The following POLA1 variants were observed in gnomAD, a reference collection of about 807,000 sequenced individuals.
POLA1 encodes the protein DNA polymerase alpha catalytic subunit.
In POLA1, 15 loss-of-function variants were observed where a neutral mutation model predicts 124.0. That is an observed-to-expected ratio of 0.12 (90% CI 0.08 to 0.19). The LOEUF (loss-of-function observed/expected upper bound fraction) is 0.19, where lower values mean the gene tolerates loss of function less well. POLA1 is among the 10% of genes least tolerant of loss of function. POLA1 has a pLI of 1.00. For synonymous variants in POLA1, 408 were observed against 389.4 expected (o/e 1.05, Z -0.56); for missense variants, 886 against 1,103.4 (o/e 0.80, Z 2.79).
At chrX:24,908,557 A>G (rs1049880236) in intron 35 of POLA1, among the ~76,000 whole-genome samples, 1 of 110,002 alleles carries the variant, frequency 9.1e-6, no homozygotes, top group Non-Finnish European at 1.9e-5. Flanking sequence ...CCTACAAAGG[A>G]CATGAACTCT....
intron 6 of POLA1, among the ~76,000 whole-genome samples, chrX:24,715,658 AC>A (rs760640839): frequency 1.1e-3 from 119 of 110,473 alleles, no homozygotes; most frequent in Non-Finnish European, 1.9e-3. Flanking sequence ...AAACAAAGAA[AC>A]CCCCTTCAGA....
At chrX:24,837,877 G>A (rs1363994925) in intron 32 of POLA1, among the ~76,000 whole-genome samples, 1 of 111,877 alleles carries the variant, frequency 8.9e-6, no homozygotes, top group African/African-American at 3.3e-5. Context: ...ACATATGTAA[G>A]GGTTTTACTG....
chrX:24,905,234 T>C (rs1347508546), intron 35 of POLA1, among the ~76,000 whole-genome samples: 1 of 109,245 alleles, frequency 9.2e-6, no homozygotes, highest in Admixed American at 9.9e-5. Flanking sequence ...AGAAAGTGGA[T>C]TGGAGCTCAC....
intron 23 of POLA1, among the ~76,000 whole-genome samples, chrX:24,744,833 C>T (rs1931900172): frequency 9.3e-6 from 1 of 107,260 alleles, no homozygotes; most frequent in Non-Finnish European, 1.9e-5. Context: ...CGCCTGTAGT[C>T]CCAGCTATTC....
intron 26 of POLA1, among the ~76,000 whole-genome samples, chrX:24,792,297 C>G (rs2045516588): frequency 9.0e-6 from 1 of 111,628 alleles, no homozygotes; most frequent in Non-Finnish European, 1.9e-5. Context: ...CACATCTGTT[C>G]CCACTGTTGA....
In POLA1 at chrX:24,878,893, A is replaced by G. The variant is rs377308426; in HGVS notation, c.4048-9113A>G. On this transcript the variant is annotated intron_variant, in intron 34 of 36. Transcript: ENST00000379068. ...TGTGTTAGTGATTTAATTATATTGC[A>G]AGCTCTTGGCAAAACTGTCTCCTCG... Among the ~76,000 whole-genome samples the G allele has an allele frequency of 7.2e-5, 8 of 111,356 alleles. No homozygotes were observed. In the East Asian group the frequency reaches 2.2e-3, roughly 31 times the overall value.
At chrX:24,807,818 G>A (rs888614468) in intron 26 of POLA1, among the ~76,000 whole-genome samples, 2 of 111,647 alleles carry the variant, frequency 1.8e-5, no homozygotes, top group Admixed American at 9.5e-5. Flanking sequence ...GATTTGAGCC[G>A]AGGGTTGTAA....
chrX:24,820,030 C>T (rs2046061909), intron 30 of POLA1, among the ~76,000 whole-genome samples: 1 of 112,093 alleles, frequency 8.9e-6, no homozygotes, highest in African/African-American at 3.2e-5. Flanking sequence ...TGTATATGTG[C>T]CACATTTTCT....
At chrX:24,710,117 CTTT>C (rs149907692) in intron 4 of POLA1, among the ~76,000 whole-genome samples, 15 of 101,162 alleles carry the variant, frequency 1.5e-4, no homozygotes, top group Admixed American at 1.0e-4. Context: ...TCGCCGGCGC[CTTT>C]TTTTTTTTTT....
At chrX:24,736,726 T>A (rs1045174526) in intron 18 of POLA1, among the ~76,000 whole-genome samples, 1 of 112,020 alleles carries the variant, frequency 8.9e-6, no homozygotes, top group East Asian at 2.8e-4. Context: ...TTAACTACAC[T>A]CATAATGTTA....
At chrX:24,795,980 A>C (rs957727106) in intron 26 of POLA1, among the ~76,000 whole-genome samples, 2 of 111,625 alleles carry the variant, frequency 1.8e-5, no homozygotes, top group South Asian at 7.6e-4. Flanking sequence ...GTTTCTCTGG[A>C]AGGGTATACT....
chrX:24,889,500 T>C (rs936271122), intron 35 of POLA1, among the ~76,000 whole-genome samples: 1 of 112,443 alleles, frequency 8.9e-6, no homozygotes, highest in African/African-American at 3.2e-5. Context: ...AGGTCCATAA[T>C]GTGCCTCACT....
intron 10 of POLA1, among the ~76,000 whole-genome samples, chrX:24,721,306 G>A (rs1429570175): frequency 8.9e-6 from 1 of 112,037 alleles, no homozygotes; most frequent in Admixed American, 9.4e-5. Context: ...GTAGAAGCTT[G>A]GGCTTCTCAC....
intron 36 of POLA1, among the ~76,000 whole-genome samples, chrX:24,988,372 G>A (rs1296039530): frequency 8.9e-6 from 1 of 112,513 alleles, no homozygotes; most frequent in Non-Finnish European, 1.9e-5. Flanking sequence ...ATAAGCAGAG[G>A]CTTGACATTC....
Position 24,699,440 on chromosome X carries a change from G to A in POLA1, c.59G>A (p.Gly20Glu). The change falls in exon 2 of 37, where the codon GGG (glycine) becomes GAG (glutamate). Residue 20 changes from glycine (G) to glutamate (E), a missense_variant. By Grantham distance (98) the Gly-to-Glu change is moderately conservative (BLOSUM62 -2). Transcript: ENST00000379068. ...EIGASALSDS[G>E]SFVSSRARRE... ...CTTTTTTCAGCTCTGTCAGATTCAG[G>A]GAGTTTTGTATCTTCTCGAGCCCGG... 1 of 1,172,908 alleles carries A rather than the reference G, an allele frequency of 8.5e-7. No individual in the cohort carries two copies. Among genetic ancestry groups the A allele is most frequent in the Non-Finnish European group, 1.1e-6 (1 of 873,382 alleles).
intron 36 of POLA1, among the ~76,000 whole-genome samples, chrX:24,934,288 A>G (rs2047820579): frequency 8.9e-6 from 1 of 112,336 alleles, no homozygotes; most frequent in African/African-American, 3.2e-5. Flanking sequence ...GTTTATATAT[A>G]GTTCCTATTA....
intron 28 of POLA1, among the ~76,000 whole-genome samples, chrX:24,811,079 A>G (rs1363928966): frequency 2.7e-5 from 3 of 110,456 alleles, no homozygotes; most frequent in South Asian, 3.9e-4. Flanking sequence ...CCTCCCGAGT[A>G]GCTGGGACCA....
intron 36 of POLA1, among the ~76,000 whole-genome samples, chrX:24,938,131 A>C (rs973399358): frequency 8.9e-6 from 1 of 112,607 alleles, no homozygotes; most frequent in Admixed American, 9.3e-5. Context: ...GAAAGAACTA[A>C]GGCCGGGCAC....
chrX:24,918,819 G>A (rs1377115682), intron 35 of POLA1, among the ~76,000 whole-genome samples: 1 of 108,737 alleles, frequency 9.2e-6, no homozygotes, highest in Non-Finnish European at 1.9e-5. Context: ...CATGGTGAGA[G>A]AAGAAGTGAG....
Sources: gnomAD v4.1 joint callset for allele counts (sites outside exome capture counted in the v4.1 genomes callset) on GRCh38, gnomAD v4.1.1 for gene constraint, MANE v1.5 for transcripts, NCBI Gene and HGNC (gene_info 2026-07-23, HGNC 2026-07-21) for gene names.